Variants in PCDHGA2 observed in about 807,000 individuals in gnomAD.
PCDHGA2 encodes protocadherin gamma subfamily A, 2, also known as protocadherin gamma-A2.
Under a neutral mutation model 59.2 loss-of-function variants are expected in PCDHGA2, and 40 were observed. The observed-to-expected ratio is 0.68, with a 90% CI of 0.52 to 0.88. The LOEUF is 0.88. Ranked by LOEUF, PCDHGA2 falls within the 40% of genes least tolerant of loss-of-function variation. PCDHGA2 has a pLI of 0.00. For missense variants in PCDHGA2, 1,226 were observed against 1,204.0 expected (o/e 1.02, Z -0.27); for synonymous variants, 560 against 526.0 (o/e 1.06, Z -0.89).
intron 1 of PCDHGA2, chr5:141,365,773 C>T: frequency 1.2e-6 from 2 of 1,613,862 alleles, no homozygotes; most frequent in African/African-American, 1.3e-5. Flanking sequence ...ACCCCGACAG[C>T]GGCGACAACG....
chr5:141,370,530 C>T (rs1302599880), intron 1 of PCDHGA2: 2 of 1,613,800 alleles, frequency 1.2e-6, no homozygotes, highest in Non-Finnish European at 1.7e-6. Flanking sequence ...CAGGGGCTCG[C>T]TGGTAGGGAA....
chr5:141,393,979 AT>A (rs2092890598), intron 1 of PCDHGA2: 1 of 1,613,732 alleles, frequency 6.2e-7, no homozygotes, highest in South Asian at 1.1e-5. Context: ...ACACGTGATA[AT>A]TTACCTTTTA....
At chr5:141,355,321 G>A in intron 1 of PCDHGA2, 1 of 1,613,994 alleles carries the variant, frequency 6.2e-7, no homozygotes. Context: ...GGAGCAGGAA[G>A]AAGGCTCAGT....
At chr5:141,492,974 C>G (rs1479838959) in intron 1 of PCDHGA2, among the ~76,000 whole-genome samples, 1 of 152,244 alleles carries the variant, frequency 6.6e-6, no homozygotes, top group Non-Finnish European at 1.5e-5. Flanking sequence ...CTAACAAGTC[C>G]TGTCTCCTCT....
At position 141,498,660 on chromosome 5, in the gene PCDHGA2, G is replaced by A. The variant is rs969314533; in HGVS notation, c.2483+3795G>A. Among the ~76,000 whole-genome samples, 11 of 152,192 alleles carry A rather than the reference G, an allele frequency of 7.2e-5. No homozygotes were observed. In the East Asian group the frequency reaches 9.6e-4, roughly 13 times the overall value. ...GAAGGAAGAAGACCTGGCCAGGTGT[G>A]GTGGCTCACGCCTGTAATCCCAGCA... is the stretch of plus-strand genomic sequence containing the variant. On this transcript the variant is annotated intron_variant, in intron 2 of 3. Coordinates refer to ENST00000394576, the MANE Select transcript of PCDHGA2 (RefSeq NM_018915.4).
intron 1 of PCDHGA2, among the ~76,000 whole-genome samples, chr5:141,465,966 C>T (rs904439039): frequency 5.3e-5 from 8 of 151,802 alleles, no homozygotes; most frequent in Non-Finnish European, 1.0e-4. Context: ...ACTAAAAATA[C>T]AAAAAATTAG....
chr5:141,383,634 T>G (rs1364470063), intron 1 of PCDHGA2: 1 of 1,613,914 alleles, frequency 6.2e-7, no homozygotes, highest in African/African-American at 1.3e-5. Context: ...TCTCTCTGCC[T>G]CAGTACCAAG....
intron 1 of PCDHGA2, chr5:141,352,709 G>C (rs768287553): frequency 1.9e-6 from 3 of 1,543,562 alleles, no homozygotes; most frequent in East Asian, 4.9e-5. Context: ...ATATATGGCG[G>C]CCGGGCGCGG....
At position 141,485,430 on chromosome 5, in the gene PCDHGA2, T is replaced by C; in HGVS notation, c.2425-9377T>C. The C allele has an allele frequency of 6.2e-7, 1 of 1,614,138 alleles. No individual in the cohort carries two copies. Among genetic ancestry groups the C allele is most frequent in the Non-Finnish European group, 8.5e-7 (1 of 1,180,022 alleles). On this transcript the variant is annotated intron_variant, in intron 1 of 3. Transcript: ENST00000394576. The surrounding 1 kb of genome is among the most constrained non-coding windows in gnomAD (Gnocchi z 5.7). ...GATTTGGACAGCGGAGCCCTGCTCA[T>C]CAAGAACCCAATCGACCGAGAGGCA... is the stretch of plus-strand genomic sequence containing the variant.
intron 1 of PCDHGA2, among the ~76,000 whole-genome samples, chr5:141,380,434 T>C (rs919623948): frequency 6.6e-6 from 1 of 152,208 alleles, no homozygotes; most frequent in South Asian, 2.1e-4. Flanking sequence ...AGACTTTACA[T>C]AGAATTCTTT....
At chr5:141,386,097 T>C (rs1216816786) in intron 1 of PCDHGA2, 9 of 152,236 alleles carry the variant, frequency 5.9e-5, no homozygotes, top group African/African-American at 2.2e-4. Flanking sequence ...AGATGAAGTG[T>C]GTCTGTGGGC....
At position 141,431,790 on chromosome 5, in the gene PCDHGA2, C is replaced by G; in HGVS notation, c.2425-63017C>G. ...ACTGTTCTGGACGTGAACGACAATG[C>G]CCCAGAAGTGGTCCTCACCTCTCTC... On this transcript the variant is annotated intron_variant, in intron 1 of 3. Coordinates refer to ENST00000394576, the MANE Select transcript of PCDHGA2 (RefSeq NM_018915.4). The surrounding 1 kb of genome is among the most constrained non-coding windows in gnomAD (Gnocchi z 4.8). 1 of 1,614,186 alleles carries G rather than the reference C, an allele frequency of 6.2e-7. No homozygotes were observed. Among genetic ancestry groups the G allele is most frequent in the Non-Finnish European group, 8.5e-7 (1 of 1,180,016 alleles).
chr5:141,415,740 GTTTTTTTTTTTTTTTTT>G (rs57426385), intron 1 of PCDHGA2: 62 of 625,030 alleles, frequency 9.9e-5, no homozygotes, highest in East Asian at 4.1e-4. Flanking sequence ...GTTTATTAAG[GTTTTTTTTTTTTTTTTT>G]TTTTTTTTTT....
At chr5:141,360,985 G>A (rs762015105) in intron 1 of PCDHGA2, 3 of 1,613,644 alleles carry the variant, frequency 1.9e-6, no homozygotes, top group East Asian at 4.5e-5. Flanking sequence ...CTTTCATAAT[G>A]TGGACGAACA....
At position 141,371,437 on chromosome 5, in the gene PCDHGA2, C is replaced by A. The variant is rs1330238991; in HGVS notation, c.2424+30042C>A. 4 of 1,613,962 alleles carry A rather than the reference C, an allele frequency of 2.5e-6. 1 individual carries two copies. The highest frequency in any genetic ancestry group is 1.1e-5 in the South Asian group (1 of 91,078). On this transcript the variant is annotated intron_variant, in intron 1 of 3. Coordinates refer to ENST00000394576, the MANE Select transcript of PCDHGA2 (RefSeq NM_018915.4). ...GAAAATGACAATGCCCCGGAGATAACCCTGGCTTCTGAATCCCAACATATA... is the reference window on the plus strand; with the variant it reads ...GAAAATGACAATGCCCCGGAGATAAACCTGGCTTCTGAATCCCAACATATA...
rs1230717990 is a variant in PCDHGA2, at chr5:141,431,707, G to A, written c.2425-63100G>A. The A allele has an allele frequency of 6.2e-7, 1 of 1,614,232 alleles. No homozygotes were observed. Among genetic ancestry groups the A allele is most frequent in the South Asian group, 1.1e-5 (1 of 91,088 alleles). On this transcript the variant is annotated intron_variant, in intron 1 of 3. Coordinates refer to ENST00000394576, the MANE Select transcript of PCDHGA2 (RefSeq NM_018915.4). This position sits in a 1 kb window ranked among gnomAD's most constrained non-coding sequence, Gnocchi z 4.8. ...ACCACGAGGAGTCAGGATTCTACCAGATGGAAGTGCAAGCAATGGATAATG... is the reference window on the plus strand; with the variant it reads ...ACCACGAGGAGTCAGGATTCTACCAAATGGAAGTGCAAGCAATGGATAATG...
chr5:141,344,561 CT>C, intron 1 of PCDHGA2: 1 of 1,614,022 alleles, frequency 6.2e-7, no homozygotes, highest in Non-Finnish European at 8.5e-7. Flanking sequence ...GCCCCAATGA[CT>C]ACTTCTCTCT....
At chr5:141,422,789 TC>T (rs1561803924) in intron 1 of PCDHGA2, 44 of 1,614,158 alleles carry the variant, frequency 2.7e-5, no homozygotes, top group Non-Finnish European at 3.6e-5. Context: ...CTACAATCCT[TC>T]GACTATGAGC....
At chr5:141,389,236 C>G (rs1360916753) in intron 1 of PCDHGA2, 1 of 1,614,054 alleles carries the variant, frequency 6.2e-7, no homozygotes, top group Non-Finnish European at 8.5e-7. Context: ...CCGGTTTTCT[C>G]ACAGTCTTCC....
Sources: gnomAD v4.1 joint callset for allele counts (sites outside exome capture counted in the v4.1 genomes callset) on GRCh38, gnomAD v4.1.1 for gene constraint, Gnocchi (gnomAD v3.1) non-coding constraint, MANE v1.5 for transcripts, NCBI Gene and HGNC (gene_info 2026-07-23, HGNC 2026-07-21) for gene names.